Variants in HS3ST4 observed in about 807,000 individuals in gnomAD.
HS3ST4 encodes the protein heparan sulfate glucosamine 3-O-sulfotransferase 4.
HS3ST4 carries 17 observed loss-of-function variants against 29.2 expected under a neutral mutation model. The ratio of observed to expected loss-of-function variants is 0.58; its 90% CI spans 0.40 to 0.87. The LOEUF is 0.87. Ranked by LOEUF, HS3ST4 falls within the 40% of genes least tolerant of loss-of-function variation. HS3ST4 has a pLI of 0.00. For missense variants in HS3ST4, 627 were observed against 634.5 expected (o/e 0.99, Z 0.13); for synonymous variants, 314 against 285.7 (o/e 1.10, Z -1.00).
chr16:25,852,286 C>A (rs1967529614), intron 1 of HS3ST4, among the ~76,000 whole-genome samples: 2 of 151,960 alleles, frequency 1.3e-5, no homozygotes, highest in South Asian at 4.2e-4. Context: ...GTTTTTATTT[C>A]TTTTTTAAAA....
chr16:25,864,523 C>A (rs1967673218), intron 1 of HS3ST4, among the ~76,000 whole-genome samples: 1 of 152,118 alleles, frequency 6.6e-6, no homozygotes, highest in African/African-American at 2.4e-5. Flanking sequence ...CACTTGGTCC[C>A]CTTTAACCAA....
intron 1 of HS3ST4, among the ~76,000 whole-genome samples, chr16:26,095,244 C>A (rs1000981282): frequency 6.6e-6 from 1 of 152,184 alleles, no homozygotes; most frequent in Non-Finnish European, 1.5e-5. Context: ...AGGACTTGAA[C>A]TTAGCTCTGG....
chr16:25,778,414 C>A (rs968790298), intron 1 of HS3ST4, among the ~76,000 whole-genome samples: 1 of 152,166 alleles, frequency 6.6e-6, no homozygotes, highest in Non-Finnish European at 1.5e-5. Context: ...TTAGGTACAG[C>A]AGGAAGGAGA....
chr16:25,854,788 A>AC (rs933063659), intron 1 of HS3ST4, among the ~76,000 whole-genome samples: 5 of 88,608 alleles, frequency 5.6e-5, no homozygotes, highest in African/African-American at 3.0e-4. Flanking sequence ...GTGTTTGTTG[A>AC]CAAAAAAAAA....
intron 1 of HS3ST4, among the ~76,000 whole-genome samples, chr16:25,960,251 C>T (rs776902036): frequency 2.0e-5 from 3 of 152,152 alleles, no homozygotes; most frequent in African/African-American, 4.8e-5. Flanking sequence ...GAGGCCTTAC[C>T]GGAAGCTGAG....
At chr16:25,744,139 C>T (rs1966671398) in intron 1 of HS3ST4, among the ~76,000 whole-genome samples, 1 of 152,160 alleles carries the variant, frequency 6.6e-6, no homozygotes, top group East Asian at 1.9e-4. Context: ...TTCTCTGTTC[C>T]TTATCGTCTA....
intron 1 of HS3ST4, among the ~76,000 whole-genome samples, chr16:25,808,436 G>A (rs1467865440): frequency 4.6e-5 from 7 of 152,126 alleles, no homozygotes; most frequent in Admixed American, 3.9e-4. Context: ...AATTTGTGTG[G>A]GTGTATTTCT....
At chr16:25,989,189 G>T (rs1319585194) in intron 1 of HS3ST4, among the ~76,000 whole-genome samples, 1 of 152,216 alleles carries the variant, frequency 6.6e-6, no homozygotes. Context: ...CGTGATTGGT[G>T]TAAGAGTAGG....
chr16:25,961,851 T>A (rs926763621), intron 1 of HS3ST4, among the ~76,000 whole-genome samples: 4 of 152,006 alleles, frequency 2.6e-5, no homozygotes, highest in Non-Finnish European at 5.9e-5. Context: ...ACACTTAAAG[T>A]TTCTTACTTA....
At chr16:25,722,571 AC>A (rs918622065) in intron 1 of HS3ST4, among the ~76,000 whole-genome samples, 36 of 152,324 alleles carry the variant, frequency 2.4e-4, no homozygotes, top group African/African-American at 7.7e-4. Context: ...GGGAAAGGTC[AC>A]AATATTTTAA....
chr16:25,906,798 A>G (rs1968184603), intron 1 of HS3ST4, among the ~76,000 whole-genome samples: 1 of 152,184 alleles, frequency 6.6e-6, no homozygotes, highest in Non-Finnish European at 1.5e-5. Flanking sequence ...ATGTTTGGAA[A>G]TAGCGCTTAA....
chr16:26,046,743 G>C (rs543116448), intron 1 of HS3ST4, among the ~76,000 whole-genome samples: 1 of 152,176 alleles, frequency 6.6e-6, no homozygotes, highest in Admixed American at 6.5e-5. Flanking sequence ...GTGTGTGTAT[G>C]TGTGTAAACA....
At chr16:25,796,668 A>G (rs1264056239) in intron 1 of HS3ST4, among the ~76,000 whole-genome samples, 2 of 152,218 alleles carry the variant, frequency 1.3e-5, no homozygotes, top group African/African-American at 2.4e-5. Context: ...GGTGGAAGAA[A>G]GCAGCTTTAC....
intron 1 of HS3ST4, among the ~76,000 whole-genome samples, chr16:25,700,625 T>G (rs912285968): frequency 1.3e-5 from 2 of 152,186 alleles, no homozygotes; most frequent in African/African-American, 4.8e-5. Context: ...CAGAAAGTTT[T>G]AAGGGTTTTG....
chr16:26,010,730 C>A (rs1048077969), intron 1 of HS3ST4, among the ~76,000 whole-genome samples: 3 of 152,070 alleles, frequency 2.0e-5, no homozygotes, highest in African/African-American at 7.2e-5. Context: ...TAGCTAATAC[C>A]GCTTGTGGCG....
chr16:25,886,491 A>G (rs1967954620), intron 1 of HS3ST4, among the ~76,000 whole-genome samples: 1 of 152,158 alleles, frequency 6.6e-6, no homozygotes, highest in Non-Finnish European at 1.5e-5. Flanking sequence ...CCAAGTTATC[A>G]TCAGTCCTGG....
intron 1 of HS3ST4, among the ~76,000 whole-genome samples, chr16:25,717,341 A>T (rs1440629518): frequency 1.3e-5 from 2 of 152,216 alleles, no homozygotes; most frequent in Non-Finnish European, 2.9e-5. Context: ...TAAAATTACA[A>T]GCATAATGAC....
At chr16:25,711,467 T>C (rs117665279) in intron 1 of HS3ST4, among the ~76,000 whole-genome samples, 8,123 of 152,264 alleles carry the variant, frequency 0.053, 234 homozygotes, top group Non-Finnish European at 0.059. Context: ...GAAATGCTGC[T>C]GACCCTGCTG....
chr16:25,692,731 A>G lies in HS3ST4; in HGVS notation c.314A>G (p.Asn105Ser), dbSNP rs1195827604. ...CCGCCCGCGCCGCCGCCGCTGGACAACGCGAGCCACGGGGAGCCGCCCGAG... is the reference window on the plus strand; with the variant it reads ...CCGCCCGCGCCGCCGCCGCTGGACAGCGCGAGCCACGGGGAGCCGCCCGAG... The part of the protein sequence containing the change: ...SQPPAPPPLD[N>S]ASHGEPPEPP... The change falls in exon 1 of 2, where the codon AAC (asparagine) becomes AGC (serine). Residue 105 changes from asparagine to serine, a missense_variant. Transcript: ENST00000331351. 23 of 1,274,900 alleles carry G rather than the reference A, an allele frequency of 1.8e-5. No individual in the cohort carries two copies. Among genetic ancestry groups the G allele is most frequent in the Non-Finnish European group, 2.3e-5 (23 of 1,014,258 alleles). The allele number at this position is 1,274,900 out of a possible 1,614,324, so 79.0% of individuals were successfully genotyped here. A position where few individuals can be genotyped will look rare whatever the true frequency, so the allele number is the denominator to read the frequency against.
Sources: gnomAD v4.1 joint callset for allele counts (sites outside exome capture counted in the v4.1 genomes callset) on GRCh38, gnomAD v4.1.1 for gene constraint, MANE v1.5 for transcripts, NCBI Gene and HGNC (gene_info 2026-07-23, HGNC 2026-07-21) for gene names.